Variants in MEF2C observed in about 807,000 individuals in gnomAD.
MEF2C encodes myocyte enhancer factor 2C, also known as myocyte-specific enhancer factor 2C.
MEF2C carries 6 observed loss-of-function variants against 50.5 expected under a neutral mutation model. The observed-to-expected ratio is 0.12, with a 90% CI of 0.07 to 0.23. The LOEUF (loss-of-function observed/expected upper bound fraction) is 0.23, where lower values mean the gene tolerates loss of function less well. Among genes scored for constraint, MEF2C ranks in the 10% least tolerant of loss-of-function variants. The pLI, the probability that MEF2C is intolerant of heterozygous loss-of-function variation, is 1.00. For missense variants in MEF2C, 276 were observed against 605.0 expected, an observed-to-expected ratio of 0.46 and a Z score of 5.70; for synonymous variants, 183 against 228.0, an observed-to-expected ratio of 0.80 and a Z score of 1.78.
At chr5:88,760,533 A>C (rs963714412) in intron 4 of MEF2C, among the ~76,000 whole-genome samples, 6 of 152,234 alleles carry the variant, frequency 3.9e-5, no homozygotes. Context: ...TTTATTCAGA[A>C]ATCAGCTTTT....
At chr5:88,891,635 C>T (rs1834589873) in intron 1 of MEF2C, among the ~76,000 whole-genome samples, 1 of 152,076 alleles carries the variant, frequency 6.6e-6, no homozygotes, top group African/African-American at 2.4e-5. Context: ...TGGTCTCGAT[C>T]TCCTGACCTC....
intron 3 of MEF2C, among the ~76,000 whole-genome samples, chr5:88,788,611 C>A (rs887030408): frequency 1.3e-5 from 2 of 152,112 alleles, no homozygotes; most frequent in Non-Finnish European, 1.5e-5. Context: ...TATTTGGGAG[C>A]CACTAGTCAC....
At chr5:88,873,867 A>T (rs1830322339) in intron 1 of MEF2C, among the ~76,000 whole-genome samples, 1 of 151,904 alleles carries the variant, frequency 6.6e-6, no homozygotes, top group South Asian at 2.1e-4. Context: ...TAAAAAAAAG[A>T]TTCACTTAAA....
chr5:88,897,689 C>T (rs148024424), intron 1 of MEF2C, among the ~76,000 whole-genome samples: 51 of 152,266 alleles, frequency 3.3e-4, no homozygotes, highest in Non-Finnish European at 6.3e-4. Context: ...AAATGAACTA[C>T]TCAACACAGT....
chr5:88,805,719 C>A lies in MEF2C; in HGVS notation c.55-918G>T, dbSNP rs1800101967. On this transcript the variant is annotated intron_variant, in intron 2 of 10. Coordinates refer to ENST00000504921, the MANE Select transcript of MEF2C (RefSeq NM_002397.5). ...CTTTGAAAACTTCCTACCTGCCAAT[C>A]CTACCAAATGCAAAAATACATTTCA... 2.6e-5 allele frequency among the ~76,000 whole-genome samples: 4 copies of A among 151,758 alleles called. No homozygotes were observed. The South Asian group carries it at 8.3e-4, about 31-fold the overall frequency.
intron 6 of MEF2C, chr5:88,734,061 T>TA (rs566980994): frequency 1.1e-3 from 883 of 776,396 alleles, no homozygotes; most frequent in Middle Eastern, 2.0e-3. Flanking sequence ...TATGTTCACT[T>TA]AAAAAAAAAA....
intron 3 of MEF2C, among the ~76,000 whole-genome samples, chr5:88,777,425 A>C (rs1207271731): frequency 6.6e-6 from 1 of 152,204 alleles, no homozygotes; most frequent in African/African-American, 2.4e-5. Flanking sequence ...AAAAAGAGGC[A>C]CACAGTGGCC....
chr5:88,810,118 A>G (rs905527358), intron 2 of MEF2C, among the ~76,000 whole-genome samples: 20 of 152,254 alleles, frequency 1.3e-4, no homozygotes, highest in Admixed American at 1.1e-3. Context: ...GAAATACTCC[A>G]TTTTGAAGTC....
intron 1 of MEF2C, among the ~76,000 whole-genome samples, chr5:88,903,275 C>T (rs1161269721): frequency 6.6e-6 from 1 of 151,852 alleles, no homozygotes; most frequent in African/African-American, 2.4e-5. Context: ...AAAAGACGCT[C>T]TTTGTAAAGT....
chr5:88,755,611 GA>G (rs1485023017), intron 4 of MEF2C, among the ~76,000 whole-genome samples: 2 of 152,160 alleles, frequency 1.3e-5, no homozygotes, highest in African/African-American at 4.8e-5. Flanking sequence ...AAATCTTAAA[GA>G]CTCCCCTTTT....
chr5:88,898,640 A>G (rs1440139422), intron 1 of MEF2C, among the ~76,000 whole-genome samples: 1 of 152,176 alleles, frequency 6.6e-6, no homozygotes, highest in Non-Finnish European at 1.5e-5. Context: ...CATCTTTGCC[A>G]ACCTTGTCAA....
intron 3 of MEF2C, among the ~76,000 whole-genome samples, chr5:88,798,882 C>T (rs1288280412): frequency 6.6e-6 from 1 of 152,128 alleles, no homozygotes; most frequent in Non-Finnish European, 1.5e-5. Flanking sequence ...GTTAGTTTTC[C>T]TTTTAACAGT....
chr5:88,827,093 G>C (rs973931999), intron 1 of MEF2C: 3 of 151,810 alleles, frequency 2.0e-5, no homozygotes, highest in African/African-American at 4.8e-5. Flanking sequence ...GGCATAAGCA[G>C]GCAGATGAAG....
chr5:88,825,733 G>C (rs941197025), intron 1 of MEF2C: 1 of 567,574 alleles, frequency 1.8e-6, no homozygotes. Context: ...GAAGCAAGCA[G>C]TGTGTTAGAA....
Position 88,832,832 on chromosome 5 carries a change from T to C in MEF2C, c.-142-8902A>G, listed in dbSNP as rs1200968532. ...AACAAATACACTGTATTTATATATA[T>C]ATGCTAATTATGGCTATCACTGATC... is the stretch of plus-strand genomic sequence containing the variant. On this transcript the variant is annotated intron_variant, in intron 1 of 10. Transcript: ENST00000504921. 5.3e-5 allele frequency among the ~76,000 whole-genome samples: 8 copies of C among 152,194 alleles called. No individual in the cohort carries two copies. In the East Asian group the frequency reaches 1.3e-3, roughly 26 times the overall value.
At chr5:88,874,139 G>A (rs1242345679) in intron 1 of MEF2C, among the ~76,000 whole-genome samples, 1 of 151,862 alleles carries the variant, frequency 6.6e-6, no homozygotes, top group African/African-American at 2.4e-5. Flanking sequence ...CCAAATTCTT[G>A]ACCAGAGAAT....
At chr5:88,838,305 G>A (rs1815965923) in intron 1 of MEF2C, among the ~76,000 whole-genome samples, 1 of 151,744 alleles carries the variant, frequency 6.6e-6, no homozygotes, top group Non-Finnish European at 1.5e-5. Context: ...TGCCAGCAGG[G>A]GAATAGAATG....
intron 1 of MEF2C, chr5:88,824,381 G>A: frequency 1.0e-6 from 1 of 983,924 alleles, no homozygotes; most frequent in Non-Finnish European, 1.2e-6. Context: ...CAGCAGAGGT[G>A]ATAACGTCCC....
intron 3 of MEF2C, among the ~76,000 whole-genome samples, chr5:88,789,215 G>A (rs1306141815): frequency 1.3e-5 from 2 of 150,928 alleles, no homozygotes; most frequent in African/African-American, 2.4e-5. Flanking sequence ...CACTCAGGCT[G>A]GGGTACAGTG....
Sources: gnomAD v4.1 joint callset for allele counts (sites outside exome capture counted in the v4.1 genomes callset) on GRCh38, gnomAD v4.1.1 for gene constraint, MANE v1.5 for transcripts, NCBI Gene and HGNC (gene_info 2026-07-23, HGNC 2026-07-21) for gene names.